Variants in POMGNT1 observed in about 807,000 individuals in gnomAD.
POMGNT1 encodes protein O-linked mannose N-acetylglucosaminyltransferase 1 (beta 1,2-), also known as protein O-linked-mannose beta-1,2-N-acetylglucosaminyltransferase 1.
POMGNT1 carries 67 observed loss-of-function variants against 95.6 expected under a neutral mutation model. The ratio of observed to expected loss-of-function variants is 0.70; its 90% confidence interval spans 0.58 to 0.86. POMGNT1 has a LOEUF of 0.86. Ranked by LOEUF, POMGNT1 falls within the 40% of genes least tolerant of loss-of-function variation. The pLI, the probability that POMGNT1 is intolerant of heterozygous loss-of-function variation, is 0.00. For missense variants in POMGNT1, 719 were observed against 855.2 expected, an observed-to-expected ratio of 0.84 and a Z score of 1.99; for synonymous variants, 298 against 317.9, an observed-to-expected ratio of 0.94 and a Z score of 0.66.
Position 46,216,580 on chromosome 1 carries a change from G to A in POMGNT1, c.-51+3125C>T, listed in dbSNP as rs139542857. Among the ~76,000 whole-genome samples the A allele has an allele frequency of 7.3e-3, 1,104 of 152,198 alleles. 15 individuals are homozygous for A. Among genetic ancestry groups the A allele is most frequent in the South Asian group, 0.016 (76 of 4,826 alleles). On this transcript the variant is annotated intron_variant, in intron 1 of 22. Transcript: ENST00000371992. Reference sequence around the variant, plus strand: ...TGATCTCAAACTCCTAGACTCAAGTGATCCTCCTCTCTTGGCCTCTCCAAG... The same window carrying A: ...TGATCTCAAACTCCTAGACTCAAGTAATCCTCCTCTCTTGGCCTCTCCAAG...
intron 2 of POMGNT1, chr1:46,197,369 T>G: frequency 1.4e-6 from 2 of 1,481,352 alleles, no homozygotes; most frequent in South Asian, 1.2e-5. Context: ...CATTGTTGGT[T>G]TCTAGAGATG....
At position 46,194,930 on chromosome 1, in the gene POMGNT1, G is replaced by C; in HGVS notation, c.566C>G (p.Ala189Gly). ...GCCCAGGCTCCTCAGCAGAGCCTTG[G>C]CTGTGTCCTTGAGGTGGAAGGAGCC... is the stretch of plus-strand genomic sequence containing the variant. ...DEGSFHLKDTAKALLRSLGSQ... is the reference protein window; with the variant it reads ...DEGSFHLKDTGKALLRSLGSQ... The change falls in exon 7 of 22, where the codon GCC (alanine) becomes GGC (glycine). Residue 189 changes from alanine (A) to glycine (G), a missense_variant. By Grantham distance (60) the Ala-to-Gly change is moderately conservative. This residue lies in a region of POMGNT1 where 466 missense variants were observed against 517.4 expected (regional missense o/e 0.90). Coordinates refer to ENST00000371984, the MANE Select transcript of POMGNT1 (RefSeq NM_017739.4). 6.2e-7 allele frequency: 1 copy of C among 1,614,158 alleles called. No homozygotes were observed. The highest frequency in any genetic ancestry group is 8.5e-7 in the Non-Finnish European group (1 of 1,180,050).
intron 1 of POMGNT1, among the ~76,000 whole-genome samples, chr1:46,207,332 A>T (rs1166797518): frequency 6.6e-6 from 1 of 151,948 alleles, no homozygotes; most frequent in Non-Finnish European, 1.5e-5. Flanking sequence ...CTTCTGCCTC[A>T]GCCTCCCAAA....
At chr1:46,212,777 T>C (rs896237922) in intron 1 of POMGNT1, among the ~76,000 whole-genome samples, 1 of 151,910 alleles carries the variant, frequency 6.6e-6, no homozygotes, top group Non-Finnish European at 1.5e-5. Context: ...TTTATTTTTT[T>C]GAGACAGAGT....
intron 2 of POMGNT1, 178 bp from the exon 3 acceptor site, chr1:46,197,262 A>G: frequency 6.5e-7 from 1 of 1,528,700 alleles, no homozygotes; most frequent in Non-Finnish European, 8.8e-7. Context: ...CACTTTCCCC[A>G]GGGAACCTCC....
upstream of POMGNT1, among the ~76,000 whole-genome samples, chr1:46,202,915 G>GGGA: frequency 9.1e-6 from 1 of 109,956 alleles, no homozygotes; most frequent in Non-Finnish European, 1.9e-5. Context: ...CTGGGGGGGG[G>GGGA]GGGTGGTGTG....
chr1:46,208,640 C>T (rs1490224622), intron 1 of POMGNT1, among the ~76,000 whole-genome samples: 3 of 151,956 alleles, frequency 2.0e-5, no homozygotes, highest in African/African-American at 7.3e-5. Context: ...GTCAGGAGTT[C>T]GAGACCAGCC....
Position 46,219,881 on chromosome 1 carries a change from G to C in POMGNT1, c.-227C>G, listed in dbSNP as rs1232854454. 7 of 1,613,848 alleles carry C rather than the reference G, an allele frequency of 4.3e-6. No homozygotes were observed. In the South Asian group the frequency reaches 7.7e-5, roughly 18 times the overall value. On this transcript the variant is annotated 5_prime_UTR_variant, in exon 1 of 23. Coordinates refer to the POMGNT1 transcript ENST00000371992. Reference sequence around the variant, plus strand: ...CAGGCCGCTCAAGGCGAGGCAGCTGGGACAGCCTGCCAGACACCAGCACCA... The same window carrying C: ...CAGGCCGCTCAAGGCGAGGCAGCTGCGACAGCCTGCCAGACACCAGCACCA...
Position 46,192,556 on chromosome 1 carries a change from C to T in POMGNT1, c.1246G>A (p.Asp416Asn). Residue 416 changes from aspartate to asparagine, a missense_variant, in exon 15 of 22, where the codon GAT becomes AAT. By Grantham distance (23) the Asp-to-Asn change is conservative (BLOSUM62 1). Coordinates refer to ENST00000371984, the MANE Select transcript of POMGNT1 (RefSeq NM_017739.4). ...LSQSIHLLEEDDSLYCISAWN... is the reference protein window; with the variant it reads ...LSQSIHLLEENDSLYCISAWN... Reference sequence around the variant, plus strand: ...GCAGAGATGCAGTACAGGCTGTCATCCTCCTCCAGTAGGTGGATGGATTGG... The same window carrying T: ...GCAGAGATGCAGTACAGGCTGTCATTCTCCTCCAGTAGGTGGATGGATTGG... 6.2e-7 allele frequency: 1 copy of T among 1,614,164 alleles called. No homozygotes were observed. The highest frequency in any genetic ancestry group is 8.5e-7 in the Non-Finnish European group (1 of 1,180,020).
rs765683857 is a variant in POMGNT1 at position 46,193,549 on chromosome 1, C to A, written c.1026+15G>T. Reference sequence around the variant, plus strand: ...TGTTGTACTCCACCCGAGGCACCCCCCAAGTCCTGCTCACCTCATAGTAGC... The same window carrying A: ...TGTTGTACTCCACCCGAGGCACCCCACAAGTCCTGCTCACCTCATAGTAGC... On this transcript the variant is annotated intron_variant, in intron 11 of 21. Transcript: ENST00000371984. 1 of 1,614,096 alleles carries A rather than the reference C, an allele frequency of 6.2e-7. No individual in the cohort carries two copies. Among genetic ancestry groups the A allele is most frequent in the African/African-American group, 1.3e-5 (1 of 74,936 alleles).
In POMGNT1 at chr1:46,197,646, TG is replaced by T. The variant is rs1658349419; in HGVS notation, c.120+55del. ...CAGGGGTCCCAGTGCCTGATTTAGGTGGGGAGGAAGCTGGGAGGGAGCGCTC... is the reference window on the plus strand; with the variant it reads ...CAGGGGTCCCAGTGCCTGATTTAGGTGGGAGGAAGCTGGGAGGGAGCGCTC... On this transcript the variant is annotated intron_variant, in intron 2 of 21. Transcript: ENST00000371984. 38 of 1,609,262 alleles carry T rather than the reference TG, an allele frequency of 2.4e-5. No individual in the cohort carries two copies. In the South Asian group the frequency reaches 4.1e-4, roughly 17 times the overall value.
At position 46,219,668 on chromosome 1, in the gene POMGNT1, C is replaced by G. The variant is rs201625927; in HGVS notation, c.-51+37G>C. The G allele has an allele frequency of 3.4e-5, 53 of 1,540,740 alleles. No individual in the cohort carries two copies. The Admixed American group carries it at 7.7e-4, about 22-fold the overall frequency. ...CGCTGGGGAAACCCATGCCCCAGAA[C>G]TGGGACTAATTCCTTCTCCCACTCC... On this transcript the variant is annotated intron_variant, in intron 1 of 22. Coordinates refer to the POMGNT1 transcript ENST00000371992.
Position 46,189,532 on chromosome 1 carries a change from GT to G in POMGNT1, c.1820del (p.Asn607ThrfsTer16). 6.2e-7 allele frequency: 1 copy of G among 1,613,230 alleles called. No individual in the cohort carries two copies. Among genetic ancestry groups the G allele is most frequent in the Non-Finnish European group, 8.5e-7 (1 of 1,179,638 alleles). ...LHIWDLDVRG[N>X]HRGLWRLFRK... ...GAAACAATCTCCACAGGCCCCGATG[GT>G]TGCCACGCACATCCAGGTCCCAGAT... On this transcript the variant is annotated frameshift_variant, in exon 21 of 22. Transcript: ENST00000371984. LOFTEE classifies it high-confidence loss of function.
At chr1:46,193,812 A>G in intron 10 of POMGNT1, 43 bp downstream of exon 10, 1 of 1,611,720 alleles carries the variant, frequency 6.2e-7, no homozygotes. Flanking sequence ...TGACCTAAGC[A>G]CCCTCCTGTT....
At chr1:46,194,695 G>GT in intron 7 of POMGNT1, 44 bp from the exon 8 acceptor site, 1 of 1,614,252 alleles carries the variant, frequency 6.2e-7, no homozygotes, top group Non-Finnish European at 8.5e-7. Context: ...CCAGACACCA[G>GT]TTTGGGGGCT....
intron 1 of POMGNT1, chr1:46,203,585 C>A: frequency 6.3e-7 from 1 of 1,585,228 alleles, no homozygotes; most frequent in East Asian, 2.3e-5. Flanking sequence ...GCACCGGCCA[C>A]GACTTGGGGG....
Position 46,189,961 on chromosome 1 carries a change from T to A in POMGNT1, c.1678A>T (p.Asn560Tyr). ...GGCAGGAAAGAGTCTTCACAAGGGT[T>A]CTTGCTGTGGTCCAGAACCTCAGCC... Reference protein sequence around the residue: ...SEAEVLDHSKNPCEDSFLPDT... With the variant: ...SEAEVLDHSKYPCEDSFLPDT... The change falls in exon 20 of 22, where the codon AAC (asparagine) becomes TAC (tyrosine). Residue 560 changes from asparagine (N) to tyrosine (Y), a missense_variant. By Grantham distance (143) the Asn-to-Tyr change is moderately radical. Coordinates refer to ENST00000371984, the MANE Select transcript of POMGNT1 (RefSeq NM_017739.4). 1.9e-6 allele frequency: 3 copies of A among 1,614,142 alleles called. No homozygotes were observed. Among genetic ancestry groups the A allele is most frequent in the Non-Finnish European group, 2.5e-6 (3 of 1,180,022 alleles).
chr1:46,196,957 A>T lies in POMGNT1; in HGVS notation c.235+13T>A. 6.2e-7 allele frequency: 1 copy of T among 1,614,174 alleles called. No individual in the cohort carries two copies. The highest frequency in any genetic ancestry group is 2.2e-5 in the East Asian group (1 of 44,886). ...ATCCAAGGCCCCCTACCCCATCCTT[A>T]GCCTAGCCCTACCATAGTCTTGCTC... On this transcript the variant is annotated intron_variant, in intron 3 of 21. Coordinates refer to ENST00000371984, the MANE Select transcript of POMGNT1 (RefSeq NM_017739.4). The surrounding 1 kb of genome is among the most constrained non-coding windows in gnomAD (Gnocchi z 4.4).
In POMGNT1 at chr1:46,190,850, A is replaced by T. The variant is rs1657710369; in HGVS notation, c.1540-66T>A. ...TCTGGCCCACACCCACTTGCTGACCAGCCAGACATCTATAAGACACACAAA... is the reference window on the plus strand; with the variant it reads ...TCTGGCCCACACCCACTTGCTGACCTGCCAGACATCTATAAGACACACAAA... On this transcript the variant is annotated intron_variant, in intron 17 of 21. Coordinates refer to ENST00000371984, the MANE Select transcript of POMGNT1 (RefSeq NM_017739.4). The T allele has an allele frequency of 2.1e-6, 3 of 1,432,686 alleles. No individual in the cohort carries two copies. In the South Asian group the frequency reaches 3.4e-5, roughly 16 times the overall value. 88.7% of individuals were successfully genotyped at this position (1,432,686 alleles called of 1,614,324 possible).
Sources: allele counts gnomAD v4.1 joint callset (sites outside exome capture counted in the v4.1 genomes callset), GRCh38; gene constraint gnomAD v4.1.1; regional missense constraint gnomAD v4.1.1; non-coding constraint Gnocchi (gnomAD v3.1); transcripts MANE v1.5; gene names NCBI Gene and HGNC (gene_info 2026-07-23, HGNC 2026-07-21).